OMA1: variants seen among roughly 807,000 people sequenced by gnomAD.
The protein encoded by OMA1 is OMA1 zinc metallopeptidase, also known as metalloendopeptidase OMA1, mitochondrial.
In OMA1, 38 loss-of-function variants were observed where a neutral mutation model predicts 30.9. The observed-to-expected ratio is 1.23, with a 90% CI of 0.95 to 1.61. The LOEUF (loss-of-function observed/expected upper bound fraction) is 1.61, where lower values mean the gene tolerates loss of function less well. Among genes scored for constraint, OMA1 ranks in the 40% most tolerant of loss-of-function variants. OMA1 has a pLI of 0.00. For synonymous variants in OMA1, 173 were observed against 121.9 expected, an observed-to-expected ratio of 1.42 and a Z score of -2.76; for missense variants, 461 against 349.2, an observed-to-expected ratio of 1.32 and a Z score of -2.55.
chr1:58,490,675 T>G (rs975062756), intron 8 of OMA1, among the ~76,000 whole-genome samples: 7 of 151,866 alleles, frequency 4.6e-5, no homozygotes, highest in African/African-American at 1.7e-4. Flanking sequence ...GGAAAAAATG[T>G]TAAGGGCAGC....
chr1:58,541,051 T>C (rs1222941527), intron 1 of OMA1, among the ~76,000 whole-genome samples: 2 of 151,948 alleles, frequency 1.3e-5, no homozygotes, highest in African/African-American at 4.8e-5. Context: ...GGCTCACGCC[T>C]GTAATCCCAG....
chr1:58,518,852 A>G (rs536118093), intron 7 of OMA1, among the ~76,000 whole-genome samples: 1 of 152,336 alleles, frequency 6.6e-6, no homozygotes, highest in South Asian at 2.1e-4. Flanking sequence ...CACGAGCTCT[A>G]AGAATTTTAA....
In OMA1 at chr1:58,539,053, C is replaced by T. The variant is rs771658049; in HGVS notation, c.242G>A (p.Gly81Asp). ...TTCCTTACTTTTGGTACTTGAGAGGCCTCCTGTTCTTTTGTTGTTAAAAGT... is the reference window on the plus strand; with the variant it reads ...TTCCTTACTTTTGGTACTTGAGAGGTCTCCTGTTCTTTTGTTGTTAAAAGT... Reference protein sequence around the residue: ...YSTFNNKRTGGLSSTKSKEIW... With the variant: ...YSTFNNKRTGDLSSTKSKEIW... Residue 81 changes from glycine to aspartate, a missense_variant, in exon 2 of 9, where the codon GGC becomes GAC. By Grantham distance (94) the Gly-to-Asp change is moderately conservative. Transcript: ENST00000371226. 3.4e-6 allele frequency: 3 copies of T among 872,756 alleles called. No homozygotes were observed. Among genetic ancestry groups the T allele is most frequent in the Non-Finnish European group, 6.0e-6 (3 of 501,648 alleles). The allele number at this position is 872,756 out of a possible 1,614,324, so 54.1% of individuals were successfully genotyped here. A position where few individuals can be genotyped will look rare whatever the true frequency, so the allele number is the denominator to read the frequency against.
intron 7 of OMA1, among the ~76,000 whole-genome samples, chr1:58,518,810 A>T (rs1283509998): frequency 6.6e-6 from 1 of 152,190 alleles, no homozygotes; most frequent in Non-Finnish European, 1.5e-5. Context: ...AGGAGATAGC[A>T]GACAGTCCTT....
intron 6 of OMA1, 39 bp from the exon 7 acceptor site, chr1:58,527,374 T>C (rs1646368661): frequency 5.8e-6 from 5 of 855,500 alleles, no homozygotes; most frequent in South Asian, 2.6e-5. Flanking sequence ...TAAGACAATT[T>C]ATTTCACGAA....
intron 1 of OMA1, among the ~76,000 whole-genome samples, chr1:58,543,886 C>T (rs745668292): frequency 6.6e-6 from 1 of 152,074 alleles, no homozygotes; most frequent in Non-Finnish European, 1.5e-5. Context: ...ATAAGGTAGC[C>T]CCTACATGTG....
chr1:58,533,737 T>C (rs925564186), intron 5 of OMA1, among the ~76,000 whole-genome samples: 2 of 152,154 alleles, frequency 1.3e-5, no homozygotes, highest in African/African-American at 2.4e-5. Flanking sequence ...AAAATAGTAT[T>C]TAAGAAAAAT....
intron 7 of OMA1, among the ~76,000 whole-genome samples, chr1:58,507,968 T>C (rs1646015546): frequency 6.6e-6 from 1 of 152,198 alleles, no homozygotes; most frequent in Non-Finnish European, 1.5e-5. Context: ...AACATGAAGT[T>C]TGTCTGCTAC....
intron 7 of OMA1, among the ~76,000 whole-genome samples, chr1:58,520,689 G>A (rs908993459): frequency 6.6e-6 from 1 of 152,028 alleles, no homozygotes; most frequent in Non-Finnish European, 1.5e-5. Context: ...GGAAAAAGTG[G>A]ACATTAGGCA....
chr1:58,518,649 C>G (rs573837431), intron 7 of OMA1, among the ~76,000 whole-genome samples: 1 of 150,122 alleles, frequency 6.7e-6, no homozygotes, highest in South Asian at 2.1e-4. Context: ...CCCTGGAGGA[C>G]TCCAGGGTTT....
intron 6 of OMA1, among the ~76,000 whole-genome samples, chr1:58,529,595 G>C (rs1646401730): frequency 6.6e-6 from 1 of 152,192 alleles, no homozygotes; most frequent in Non-Finnish European, 1.5e-5. Context: ...TGGCAAAGTA[G>C]CTTTAGCCAA....
chr1:58,505,781 A>T (rs369008050), intron 8 of OMA1, among the ~76,000 whole-genome samples: 36 of 152,294 alleles, frequency 2.4e-4, no homozygotes, highest in African/African-American at 7.9e-4. Context: ...TGAGTTTTAA[A>T]CTTTCATCAA....
At chr1:58,519,992 G>T (rs1646236587) in intron 7 of OMA1, among the ~76,000 whole-genome samples, 1 of 152,174 alleles carries the variant, frequency 6.6e-6, no homozygotes, top group African/African-American at 2.4e-5. Context: ...GACAGTCAGA[G>T]GTTAAGTGAT....
intron 7 of OMA1, among the ~76,000 whole-genome samples, chr1:58,526,905 G>A (rs1203830406): frequency 2.0e-5 from 3 of 152,042 alleles, no homozygotes; most frequent in Non-Finnish European, 4.4e-5. Context: ...ATAACCAAAT[G>A]TTTTAAAATT....
intron 7 of OMA1, among the ~76,000 whole-genome samples, chr1:58,526,793 G>C (rs1410831636): frequency 6.6e-6 from 1 of 152,080 alleles, no homozygotes; most frequent in Non-Finnish European, 1.5e-5. Context: ...TTAGATCAGA[G>C]AAGCAAGGGG....
At chr1:58,533,303 A>G (rs918687946) in intron 5 of OMA1, among the ~76,000 whole-genome samples, 7 of 152,210 alleles carry the variant, frequency 4.6e-5, no homozygotes, top group Admixed American at 3.3e-4. Flanking sequence ...CAGAAGACCC[A>G]CGTTAAAGTC....
At chr1:58,523,282 G>A (rs913403551) in intron 7 of OMA1, among the ~76,000 whole-genome samples, 3 of 152,082 alleles carry the variant, frequency 2.0e-5, no homozygotes, top group South Asian at 2.1e-4. Flanking sequence ...GTGTGGTCAC[G>A]CACAACATCT....
At chr1:58,514,418 C>T (rs1295035540) in intron 7 of OMA1, among the ~76,000 whole-genome samples, 1 of 152,152 alleles carries the variant, frequency 6.6e-6, no homozygotes, top group Non-Finnish European at 1.5e-5. Flanking sequence ...CTGTAGCCAA[C>T]GTTTTCATTA....
chr1:58,529,400 T>G (rs527349042), intron 6 of OMA1, among the ~76,000 whole-genome samples: 1 of 152,216 alleles, frequency 6.6e-6, no homozygotes, highest in African/African-American at 2.4e-5. Flanking sequence ...ACAAAGTAGT[T>G]ATAAAGATTG....
Sources: gnomAD v4.1 joint callset for allele counts (sites outside exome capture counted in the v4.1 genomes callset) on GRCh38, gnomAD v4.1.1 for gene constraint, MANE v1.5 for transcripts, NCBI Gene and HGNC (gene_info 2026-07-23, HGNC 2026-07-21) for gene names.